Variants in HPCAL1 observed in about 807,000 individuals in gnomAD.
HPCAL1 encodes hippocalcin like 1, also known as hippocalcin-like protein 1.
HPCAL1 carries 8 observed loss-of-function variants against 17.1 expected under a neutral mutation model. That is an observed-to-expected ratio of 0.47 (90% CI 0.27 to 0.84). HPCAL1 has a LOEUF of 0.84. Ranked by LOEUF, HPCAL1 falls within the 40% of genes least tolerant of loss-of-function variation. The probability of loss-of-function intolerance (pLI) is 0.13; values close to 1 mark genes in which losing one functional copy is unlikely to be tolerated. For missense variants in HPCAL1, 165 were observed against 271.1 expected, an observed-to-expected ratio of 0.61 and a Z score of 2.75; for synonymous variants, 112 against 111.4, an observed-to-expected ratio of 1.01 and a Z score of -0.03.
At chr2:10,420,253 T>G (rs1371506217) in intron 3 of HPCAL1, 118 bp downstream of exon 3, 1 of 899,172 alleles carries the variant, frequency 1.1e-6, no homozygotes, top group Admixed American at 3.1e-5. Flanking sequence ...CTTGCTCTAG[T>G]GACTGGAGTG....
intron 1 of HPCAL1, among the ~76,000 whole-genome samples, chr2:10,335,446 G>C (rs1158949739): frequency 6.6e-6 from 1 of 152,134 alleles, no homozygotes; most frequent in Non-Finnish European, 1.5e-5. Flanking sequence ...CTGAGCCTTC[G>C]GATGAGACTG....
chr2:10,309,951 A>G (rs1662848870), intron 1 of HPCAL1, among the ~76,000 whole-genome samples: 1 of 152,224 alleles, frequency 6.6e-6, no homozygotes, highest in South Asian at 2.1e-4. Context: ...GGAAAGAACC[A>G]AGACATTCTT....
Position 10,330,478 on chromosome 2 carries a change from C to CT in HPCAL1, c.-111+27311dup, listed in dbSNP as rs34093850. ...CTGGGTGCCTTAAACAACAGGAATT[C>CT]TTTTTTTTTTACAGTATTGGAGGCT... On this transcript the variant is annotated intron_variant, in intron 1 of 4. Coordinates refer to ENST00000307845, the MANE Select transcript of HPCAL1 (RefSeq NM_002149.4). The surrounding 1 kb of genome is among the most constrained non-coding windows in gnomAD (Gnocchi z 4.2). Among the ~76,000 whole-genome samples the CT allele has an allele frequency of 0.14, 21,056 of 149,718 alleles. 1,864 individuals are homozygous for CT. Among genetic ancestry groups the CT allele is most frequent in the African/African-American group, 0.25 (10,266 of 40,778 alleles).
chr2:10,424,130 G>T (rs763408391), intron 4 of HPCAL1: 10 of 224,428 alleles, frequency 4.5e-5, no homozygotes, highest in Non-Finnish European at 8.2e-5. Context: ...GGTTGTGCTG[G>T]GGATTAAACG....
At chr2:10,417,909 G>T (rs970633637) in intron 2 of HPCAL1, among the ~76,000 whole-genome samples, 1 of 152,048 alleles carries the variant, frequency 6.6e-6, no homozygotes, top group South Asian at 2.1e-4. Context: ...GGGTGTGGTG[G>T]TGTGTGCCCA....
Position 10,315,053 on chromosome 2 carries a change from A to G in HPCAL1, c.-111+11876A>G, listed in dbSNP as rs934382182. 3.3e-5 allele frequency among the ~76,000 whole-genome samples: 5 copies of G among 152,308 alleles called. No individual in the cohort carries two copies. In the East Asian group the frequency reaches 9.7e-4, roughly 30 times the overall value. On this transcript the variant is annotated intron_variant, in intron 1 of 4. Coordinates refer to ENST00000307845, the MANE Select transcript of HPCAL1 (RefSeq NM_002149.4). ...ACGCCTGTAATCCCAGCACTTTGGG[A>G]GGCCGAGGCGGGCGGATCATGAAGT... is the stretch of plus-strand genomic sequence containing the variant.
chr2:10,369,300 C>G (rs953650943), intron 1 of HPCAL1: 1 of 152,174 alleles, frequency 6.6e-6, no homozygotes, highest in Non-Finnish European at 1.5e-5. Context: ...CTCACATATC[C>G]CTTGTAAGGG....
chr2:10,380,125 A>G (rs994831727), intron 1 of HPCAL1, among the ~76,000 whole-genome samples: 20 of 152,302 alleles, frequency 1.3e-4, no homozygotes, highest in Non-Finnish European at 2.5e-4. Context: ...GTGTTGTGCA[A>G]TTGTTGGGCG....
At chr2:10,421,170 G>A (rs1381687707) in intron 3 of HPCAL1, among the ~76,000 whole-genome samples, 2 of 152,234 alleles carry the variant, frequency 1.3e-5, no homozygotes, top group Admixed American at 1.3e-4. Context: ...CCCCAGGAAT[G>A]CGCAGTCATC....
chr2:10,372,232 A>T (rs1292931712), intron 1 of HPCAL1, among the ~76,000 whole-genome samples: 1 of 152,158 alleles, frequency 6.6e-6, no homozygotes, highest in African/African-American at 2.4e-5. Context: ...ATGGCGAGGA[A>T]GCTGGGTGGT....
At chr2:10,423,517 G>A (rs932270391) in intron 4 of HPCAL1, 4 of 186,290 alleles carry the variant, frequency 2.1e-5, no homozygotes, top group African/African-American at 9.4e-5. Flanking sequence ...CTGCCCAGAT[G>A]GCCCCAGTGT....
intron 1 of HPCAL1, among the ~76,000 whole-genome samples, chr2:10,313,941 G>A (rs753766549): frequency 2.7e-4 from 41 of 152,010 alleles, no homozygotes; most frequent in Non-Finnish European, 5.6e-4. Flanking sequence ...GACCAGCCTG[G>A]CCAACATGGT....
rs564072251 is a variant in HPCAL1 at position 10,377,844 on chromosome 2, G to C, written c.-110-18991G>C. Among the ~76,000 whole-genome samples, 3 of 152,196 alleles carry C rather than the reference G, an allele frequency of 2.0e-5. No homozygotes were observed. Among genetic ancestry groups the C allele is most frequent in the Admixed American group, 6.5e-5 (1 of 15,290 alleles). On this transcript the variant is annotated intron_variant, in intron 1 of 4. Coordinates refer to ENST00000307845, the MANE Select transcript of HPCAL1 (RefSeq NM_002149.4). The surrounding 1 kb of genome is among the most constrained non-coding windows in gnomAD (Gnocchi z 5.9). ...TGAGCCACCGAGGGGGGCCAGGCAC[G>C]GGGGAGGGTATTCAAGGGCGGCAAG...
rs531044807 is a variant in HPCAL1 at position 10,407,116 on chromosome 2, A to G, written c.-25+10196A>G. 8.5e-5 allele frequency among the ~76,000 whole-genome samples: 13 copies of G among 152,264 alleles called. No homozygotes were observed. The East Asian group carries it at 1.2e-3, about 14-fold the overall frequency. ...CCCCACCCCACTGGCTGAGGACCAT[A>G]TAGCTGGGATGTGTTCACCTGGGAA... On this transcript the variant is annotated intron_variant, in intron 2 of 4. Coordinates refer to ENST00000307845, the MANE Select transcript of HPCAL1 (RefSeq NM_002149.4).
chr2:10,368,316 A>G (rs11888000), intron 1 of HPCAL1, among the ~76,000 whole-genome samples: 62,052 of 149,062 alleles, frequency 0.42, 12,944 homozygotes, highest in Middle Eastern at 0.47. Flanking sequence ...GCACATATGC[A>G]CGTGTGGGTG....
At chr2:10,336,007 T>A (rs902511660) in intron 1 of HPCAL1, among the ~76,000 whole-genome samples, 3 of 151,970 alleles carry the variant, frequency 2.0e-5, no homozygotes, top group Non-Finnish European at 4.4e-5. Flanking sequence ...CATGTTCGTA[T>A]CCTCTGGTGT....
chr2:10,377,797 C>T lies in HPCAL1; in HGVS notation c.-110-19038C>T, dbSNP rs957804377. ...AGAAACATAAAGGGACACCAGAATC[C>T]CCATCCCCATCCCCAGGGTGGTGAG... On this transcript the variant is annotated intron_variant, in intron 1 of 4. Coordinates refer to ENST00000307845, the MANE Select transcript of HPCAL1 (RefSeq NM_002149.4). This position sits in a 1 kb window ranked among gnomAD's most constrained non-coding sequence, Gnocchi z 5.9. Among the ~76,000 whole-genome samples the T allele has an allele frequency of 2.0e-5, 3 of 152,082 alleles. No homozygotes were observed. Among genetic ancestry groups the T allele is most frequent in the Non-Finnish European group, 4.4e-5 (3 of 68,024 alleles).
intron 1 of HPCAL1, among the ~76,000 whole-genome samples, chr2:10,339,955 G>T (rs1273136366): frequency 1.3e-5 from 2 of 152,214 alleles, no homozygotes; most frequent in Non-Finnish European, 2.9e-5. Context: ...TATGTGAGGG[G>T]TATGGGGAGG....
intron 1 of HPCAL1, among the ~76,000 whole-genome samples, chr2:10,334,476 C>G (rs1199679029): frequency 2.0e-5 from 3 of 151,734 alleles, no homozygotes; most frequent in South Asian, 2.1e-4. Context: ...CCACTGTACT[C>G]CAGCCTGGAT....
Sources: gnomAD v4.1 joint callset for allele counts (sites outside exome capture counted in the v4.1 genomes callset) on GRCh38, gnomAD v4.1.1 for gene constraint, Gnocchi (gnomAD v3.1) non-coding constraint, MANE v1.5 for transcripts, NCBI Gene and HGNC (gene_info 2026-07-23, HGNC 2026-07-21) for gene names.